RIMS2: variants seen among roughly 807,000 people sequenced by gnomAD.
The protein encoded by RIMS2 is regulating synaptic membrane exocytosis protein 2.
RIMS2 carries 59 observed loss-of-function variants against 174.4 expected under a neutral mutation model. The ratio of observed to expected loss-of-function variants is 0.34; its 90% CI spans 0.27 to 0.42. RIMS2 has a LOEUF of 0.42. Among genes scored for constraint, RIMS2 ranks in the 10% least tolerant of loss-of-function variants. The pLI is 1.00. For synonymous variants in RIMS2, 606 were observed against 572.5 expected (o/e 1.06, Z -0.84); for missense variants, 1,620 against 1,666.3 (o/e 0.97, Z 0.48).
intron 19 of RIMS2, among the ~76,000 whole-genome samples, chr8:104,092,391 A>G (rs975493290): frequency 6.6e-6 from 1 of 151,888 alleles, no homozygotes; most frequent in Non-Finnish European, 1.5e-5. Flanking sequence ...ATGTTTCAGC[A>G]TTAAGTTTGA....
intron 19 of RIMS2, among the ~76,000 whole-genome samples, chr8:104,137,361 G>T (rs1412446807): frequency 6.6e-6 from 1 of 151,996 alleles, no homozygotes; most frequent in African/African-American, 2.4e-5. Flanking sequence ...ACTTCATTGA[G>T]GTTGCTTCGT....
chr8:103,800,554 G>T (rs1428585503), intron 3 of RIMS2, among the ~76,000 whole-genome samples: 1 of 152,096 alleles, frequency 6.6e-6, no homozygotes, highest in Non-Finnish European at 1.5e-5. Flanking sequence ...ATGAAATTTT[G>T]TCATTTGCTT....
chr8:103,985,852 G>A (rs1324898367), intron 16 of RIMS2, among the ~76,000 whole-genome samples: 1 of 152,152 alleles, frequency 6.6e-6, no homozygotes, highest in African/African-American at 2.4e-5. Context: ...TATGTTAGGT[G>A]AAATAAGCCA....
At chr8:103,601,709 T>C (rs962645688) in intron 1 of RIMS2, among the ~76,000 whole-genome samples, 5 of 152,144 alleles carry the variant, frequency 3.3e-5, no homozygotes, top group Non-Finnish European at 7.4e-5. Context: ...TTATTTATTT[T>C]CTGGTTGTTT....
chr8:104,079,598 G>T (rs961572821), intron 19 of RIMS2, among the ~76,000 whole-genome samples: 11 of 50,994 alleles, frequency 2.2e-4, no homozygotes, highest in African/African-American at 4.9e-4. Flanking sequence ...GATTAAGCAT[G>T]ATATATATAT....
chr8:103,516,059 C>T (rs992968525), intron 1 of RIMS2, among the ~76,000 whole-genome samples: 9 of 151,864 alleles, frequency 5.9e-5, no homozygotes, highest in African/African-American at 1.9e-4. Flanking sequence ...CTTTTTGGTT[C>T]ATCGATTTCA....
At chr8:103,738,724 G>A (rs999065594) in intron 2 of RIMS2, among the ~76,000 whole-genome samples, 2 of 152,158 alleles carry the variant, frequency 1.3e-5, no homozygotes, top group African/African-American at 4.8e-5. Flanking sequence ...CAAAGGGTAT[G>A]AACAGACACT....
chr8:104,123,945 A>C (rs1344158897), intron 19 of RIMS2, among the ~76,000 whole-genome samples: 1 of 152,178 alleles, frequency 6.6e-6, no homozygotes, highest in Non-Finnish European at 1.5e-5. Context: ...GCCATGTGCA[A>C]TAAAGCAAAG....
chr8:104,175,386 T>A (rs1031228), intron 19 of RIMS2, among the ~76,000 whole-genome samples: 96,298 of 151,926 alleles, frequency 0.63, 30,987 homozygotes, highest in East Asian at 0.8. Flanking sequence ...GCATATAATA[T>A]GTAACAATCA....
intron 2 of RIMS2, among the ~76,000 whole-genome samples, chr8:103,737,323 A>G (rs2097699505): frequency 6.6e-6 from 1 of 151,390 alleles, no homozygotes; most frequent in Non-Finnish European, 1.5e-5. Context: ...AGCTGGGATT[A>G]CAGGTGCATG....
chr8:103,703,393 A>G (rs2097190155), intron 2 of RIMS2, among the ~76,000 whole-genome samples: 1 of 152,036 alleles, frequency 6.6e-6, no homozygotes, highest in Non-Finnish European at 1.5e-5. Context: ...GTACACCACC[A>G]TACCCAGCTA....
intron 17 of RIMS2, among the ~76,000 whole-genome samples, chr8:104,012,828 G>A (rs1458952731): frequency 1.3e-5 from 2 of 152,134 alleles, no homozygotes; most frequent in African/African-American, 4.8e-5. Flanking sequence ...ACTCTGAATT[G>A]AATCAGTTGG....
rs780513888 is a variant in RIMS2, at chr8:103,542,247, C to T, written c.176+41185C>T. 2.8e-4 allele frequency among the ~76,000 whole-genome samples: 43 copies of T among 152,162 alleles called. 1 individual carries two copies. Among genetic ancestry groups the T allele is most frequent in the East Asian group, 1.9e-4 (1 of 5,184 alleles). ...AAAAACTGGATAAACTAGAAAAATA[C>T]GATTAATTCTTTAACACATGTAATC... On this transcript the variant is annotated intron_variant, in intron 1 of 23. Coordinates refer to ENST00000504942, the Ensembl canonical transcript of RIMS2.
intron 1 of RIMS2, among the ~76,000 whole-genome samples, chr8:103,577,816 C>T (rs1276924952): frequency 6.6e-6 from 1 of 152,034 alleles, no homozygotes; most frequent in Non-Finnish European, 1.5e-5. Context: ...CCTGATCTGA[C>T]AAACTCATTA....
At chr8:104,132,066 G>T (rs2098478154) in intron 19 of RIMS2, among the ~76,000 whole-genome samples, 2 of 152,014 alleles carry the variant, frequency 1.3e-5, no homozygotes, top group Admixed American at 1.3e-4. Context: ...TTCTGTTTCT[G>T]TTACAATCAA....
chr8:104,071,457 C>T (rs568069886), intron 19 of RIMS2, among the ~76,000 whole-genome samples: 1 of 152,190 alleles, frequency 6.6e-6, no homozygotes, highest in Admixed American at 6.5e-5. Context: ...GTTTTTGAGA[C>T]AGAGTCTTGC....
At chr8:103,506,364 A>C (rs1823608444) in intron 1 of RIMS2, among the ~76,000 whole-genome samples, 1 of 152,170 alleles carries the variant, frequency 6.6e-6, no homozygotes, top group Admixed American at 6.5e-5. Flanking sequence ...TAGTGGAAGC[A>C]AGTGTGATAA....
intron 19 of RIMS2, among the ~76,000 whole-genome samples, chr8:104,031,791 A>G (rs559271416): frequency 1.3e-5 from 2 of 152,278 alleles, no homozygotes; most frequent in African/African-American, 4.8e-5. Flanking sequence ...TTTGGAAACC[A>G]TATGAAAGCA....
chr8:103,637,536 G>A (rs796367070), intron 1 of RIMS2, among the ~76,000 whole-genome samples: 3 of 152,244 alleles, frequency 2.0e-5, no homozygotes, highest in Admixed American at 1.3e-4. Context: ...CACCATTGAA[G>A]CCATGTGGGC....
Sources: gnomAD v4.1 joint callset for allele counts (sites outside exome capture counted in the v4.1 genomes callset) on GRCh38, gnomAD v4.1.1 for gene constraint, MANE v1.5 for transcripts, NCBI Gene and HGNC (gene_info 2026-07-23, HGNC 2026-07-21) for gene names.